ARHGAP8: variants seen among roughly 807,000 people sequenced by gnomAD.
ARHGAP8 encodes rho GTPase-activating protein 8.
In ARHGAP8, 62 loss-of-function variants were observed where a neutral mutation model predicts 46.1. The ratio of observed to expected loss-of-function variants is 1.34; its 90% CI spans 1.10 to 1.66. The LOEUF is 1.66. ARHGAP8 is among the 40% of genes most tolerant of loss of function. ARHGAP8 has a pLI of 0.00. For synonymous variants in ARHGAP8, 375 were observed against 243.1 expected, an observed-to-expected ratio of 1.54 and a Z score of -5.05; for missense variants, 923 against 568.4, an observed-to-expected ratio of 1.62 and a Z score of -6.34.
Position 44,862,659 on chromosome 22 carries a change from G to C in ARHGAP8, c.*64G>C, listed in dbSNP as rs2071763. 3.2e-4 allele frequency: 474 copies of C among 1,489,306 alleles called. 6 individuals are homozygous for C. In the East Asian group the frequency reaches 0.011, roughly 34 times the overall value. 92.3% of individuals were successfully genotyped at this position (1,489,306 alleles called of 1,614,324 possible). A position where few individuals can be genotyped will look rare whatever the true frequency, so the allele number is the denominator to read the frequency against. Reference sequence around the variant, plus strand: ...ACCTGTCTGTGCACTTGTATGTTTTGTAAACTTGGCATCTGTAAAAATAAC... The same window carrying C: ...ACCTGTCTGTGCACTTGTATGTTTTCTAAACTTGGCATCTGTAAAAATAAC... On this transcript the variant is annotated 3_prime_UTR_variant, in exon 12 of 12. Transcript: ENST00000356099.
At chr22:44,795,657 G>A (rs1335922362) in intron 2 of ARHGAP8, among the ~76,000 whole-genome samples, 1 of 152,166 alleles carries the variant, frequency 6.6e-6, no homozygotes, top group African/African-American at 2.4e-5. Context: ...GGTTTGGGAT[G>A]AGCCTGTAGG....
chr22:44,856,542 G>T (rs978652461), intron 10 of ARHGAP8, among the ~76,000 whole-genome samples: 11 of 151,918 alleles, frequency 7.2e-5, no homozygotes, highest in Non-Finnish European at 1.5e-5. Context: ...CCAAAGTGCT[G>T]GGATTAAAGG....
intron 10 of ARHGAP8, among the ~76,000 whole-genome samples, chr22:44,854,741 C>T (rs1027549385): frequency 6.6e-6 from 1 of 152,076 alleles, no homozygotes; most frequent in Non-Finnish European, 1.5e-5. Flanking sequence ...TGGGTTCAAG[C>T]AATTCTCCCA....
At chr22:44,802,286 G>C in intron 3 of ARHGAP8, 122 bp downstream of exon 3, 1 of 1,285,356 alleles carries the variant, frequency 7.8e-7, no homozygotes, top group South Asian at 1.4e-5. Flanking sequence ...GACCTTGCTG[G>C]TGTGCAGAGC....
At chr22:44,763,936 CAGCAGCTGGGAGT>C (rs962506915) in intron 1 of ARHGAP8, among the ~76,000 whole-genome samples, 2 of 151,772 alleles carry the variant, frequency 1.3e-5, no homozygotes, top group Non-Finnish European at 2.9e-5. Flanking sequence ...TCAGCCTCCC[CAGCAGCTGGGAGT>C]ACAGGTGCCC....
At chr22:44,762,647 G>A (rs935036037) in intron 1 of ARHGAP8, among the ~76,000 whole-genome samples, 10 of 150,454 alleles carry the variant, frequency 6.6e-5, no homozygotes, top group Non-Finnish European at 4.4e-5. Flanking sequence ...GGGTTCAAGC[G>A]ATTCTCCTGC....
In ARHGAP8 at chr22:44,786,471, A is replaced by G; in HGVS notation, c.-57A>G. ...CTTTGCCGCAGAGCTGCAGAGAGAC[A>G]AGGCGGCGGCGGCTGCTGTGCTGGG... On this transcript the variant is annotated 5_prime_UTR_variant, in exon 2 of 12. Transcript: ENST00000356099. The G allele has an allele frequency of 6.2e-7, 1 of 1,605,740 alleles. No homozygotes were observed. Among genetic ancestry groups the G allele is most frequent in the Non-Finnish European group, 8.5e-7 (1 of 1,176,374 alleles).
Position 44,822,366 on chromosome 22 carries a change from C to T in ARHGAP8, c.387-5C>T, listed in dbSNP as rs1930215853. 1 of 1,580,610 alleles carries T rather than the reference C, an allele frequency of 6.3e-7. No homozygotes were observed. Among genetic ancestry groups the T allele is most frequent in the Non-Finnish European group, 8.6e-7 (1 of 1,168,220 alleles). On this transcript the variant is annotated splice_polypyrimidine_tract_variant and splice_region_variant and intron_variant, in intron 5 of 11. Coordinates refer to ENST00000356099, the MANE Select transcript of ARHGAP8 (RefSeq NM_181335.3). ...TTCTTTATTCTCTTGCTTCTGCTTT[C>T]TTAGTCACAAGTTTGGGAAGAAAGT... is the stretch of plus-strand genomic sequence containing the variant.
In ARHGAP8 at chr22:44,848,110, G is replaced by A. The variant is rs555775234; in HGVS notation, c.748+60G>A. 24 of 1,589,678 alleles carry A rather than the reference G, an allele frequency of 1.5e-5. No individual in the cohort carries two copies. In the East Asian group the frequency reaches 4.5e-4, roughly 30 times the overall value. On this transcript the variant is annotated intron_variant, in intron 9 of 11. Transcript: ENST00000356099. The stretch of plus-strand genomic sequence containing the variant: ...CCTGGTCAGCGAGCACAGCGCTCCG[G>A]GGCCTCAGAGCGGAGGCAGGGAAGC...
chr22:44,861,677 C>T lies in ARHGAP8; in HGVS notation c.982-598C>T, dbSNP rs2070492478. 3.3e-5 allele frequency among the ~76,000 whole-genome samples: 5 copies of T among 152,302 alleles called. No homozygotes were observed. In the South Asian group the frequency reaches 6.2e-4, roughly 19 times the overall value. ...AACAGGCCCTGCCCTCACGTTGGTC[C>T]ACATGGCCCCCTGCCACTGGCTGGC... On this transcript the variant is annotated intron_variant, in intron 11 of 11. Transcript: ENST00000356099.
At chr22:44,802,639 C>G (rs887226423) in intron 3 of ARHGAP8, among the ~76,000 whole-genome samples, 1 of 152,166 alleles carries the variant, frequency 6.6e-6, no homozygotes, top group African/African-American at 2.4e-5. Flanking sequence ...AGTGGATCCT[C>G]CATGGTTCTG....
At chr22:44,805,487 C>G (rs569024451) in intron 3 of ARHGAP8, among the ~76,000 whole-genome samples, 348 of 152,344 alleles carry the variant, frequency 2.3e-3, no homozygotes, top group Non-Finnish European at 3.6e-3. Flanking sequence ...AAAAGCACCC[C>G]TGACAACAAA....
At chr22:44,861,347 T>TGGTGG (rs1601538831) in intron 11 of ARHGAP8, among the ~76,000 whole-genome samples, 1 of 152,180 alleles carries the variant, frequency 6.6e-6, no homozygotes, top group African/African-American at 2.4e-5. Flanking sequence ...TGAATGCACC[T>TGGTGG]GGTGGGGTGT....
At chr22:44,849,153 G>A (rs2070035114) in intron 10 of ARHGAP8, 93 bp downstream of exon 10, 7 of 1,579,988 alleles carry the variant, frequency 4.4e-6, no homozygotes, top group South Asian at 2.3e-5. Flanking sequence ...GGGTGGCCGA[G>A]GTGACGTGTA....
chr22:44,753,622 G>A (rs1022288777), intron 1 of ARHGAP8, among the ~76,000 whole-genome samples: 1 of 151,306 alleles, frequency 6.6e-6, no homozygotes, highest in Non-Finnish European at 1.5e-5. Flanking sequence ...TGGGGGGTGG[G>A]GGGGCTCCTG....
chr22:44,851,362 G>A (rs998814983), intron 10 of ARHGAP8, among the ~76,000 whole-genome samples: 1 of 151,932 alleles, frequency 6.6e-6, no homozygotes, highest in African/African-American at 2.4e-5. Flanking sequence ...TTTATTTAAT[G>A]TAAGTTTTAC....
chr22:44,823,287 G>T (rs1431472611), intron 6 of ARHGAP8, among the ~76,000 whole-genome samples: 4 of 152,178 alleles, frequency 2.6e-5, no homozygotes, highest in African/African-American at 9.7e-5. Context: ...AACCCAGCTG[G>T]GGAGGGGACT....
chr22:44,816,070 A>ATCCCTGGAGGGGTCGTCATTCT (rs1254725648), intron 5 of ARHGAP8, among the ~76,000 whole-genome samples: 3 of 152,066 alleles, frequency 2.0e-5, no homozygotes, highest in African/African-American at 7.2e-5. Flanking sequence ...AGGGAGGCGC[A>ATCCCTGGAGGGGTCGTCATTCT]TCCCTGGAGG....
At chr22:44,782,149 A>G (rs1283912212) in intron 1 of ARHGAP8, among the ~76,000 whole-genome samples, 1 of 146,092 alleles carries the variant, frequency 6.8e-6, no homozygotes, top group African/African-American at 2.8e-5. Context: ...AGCCTGGCCA[A>G]TGTGGTGAAA....
Sources: allele counts gnomAD v4.1 joint callset (sites outside exome capture counted in the v4.1 genomes callset), GRCh38; gene constraint gnomAD v4.1.1; transcripts MANE v1.5; gene names NCBI Gene and HGNC (gene_info 2026-07-23, HGNC 2026-07-21).